ARMC2: variants seen among roughly 807,000 people sequenced by gnomAD.
ARMC2 encodes the protein armadillo repeat containing 2.
In ARMC2, 67 loss-of-function variants were observed where a neutral mutation model predicts 90.3. The observed-to-expected ratio is 0.74, with a 90% CI of 0.61 to 0.91. ARMC2 has a LOEUF of 0.91. Among genes scored for constraint, ARMC2 ranks in the 40% least tolerant of loss-of-function variants. The pLI, the probability that ARMC2 is intolerant of heterozygous loss-of-function variation, is 0.00. For synonymous variants in ARMC2, 393 were observed against 393.0 expected (o/e 1.00, Z 0.00); for missense variants, 920 against 1,030.9 (o/e 0.89, Z 1.47).
chr6:108,902,544 T>C (rs1772254544), intron 7 of ARMC2, among the ~76,000 whole-genome samples: 1 of 152,224 alleles, frequency 6.6e-6, no homozygotes, highest in Non-Finnish European at 1.5e-5. Context: ...TTTCCCTTTA[T>C]TTAAAGTTAG....
Position 108,973,645 on chromosome 6 carries a change from G to C in ARMC2, c.*131G>C. The C allele has an allele frequency of 1.2e-6, 1 of 855,372 alleles. No individual in the cohort carries two copies. The highest frequency in any genetic ancestry group is 1.7e-6 in the Non-Finnish European group (1 of 577,036). The allele number at this position is 855,372 out of a possible 1,614,324, so 53.0% of individuals were successfully genotyped here. On this transcript the variant is annotated 3_prime_UTR_variant, in exon 18 of 18. Transcript: ENST00000392644. Reference sequence around the variant, plus strand: ...TTTCAAGAACTGGTTTTAGTGAGTAGCTGAAGTATTTTTTAAAATTAAGCA... The same window carrying C: ...TTTCAAGAACTGGTTTTAGTGAGTACCTGAAGTATTTTTTAAAATTAAGCA...
At position 108,928,072 on chromosome 6, in the gene ARMC2, C is replaced by A; in HGVS notation, c.1351-16C>A. On this transcript the variant is annotated splice_polypyrimidine_tract_variant and intron_variant, in intron 10 of 17. Coordinates refer to ENST00000392644, the MANE Select transcript of ARMC2 (RefSeq NM_032131.6). ...TTCAGTTCAAAAAAAATGGCACAAG[C>A]ATGCTTTTATCCTAGGTGACTGCTA... 2 of 1,588,290 alleles carry A rather than the reference C, an allele frequency of 1.3e-6. No individual in the cohort carries two copies. The highest frequency in any genetic ancestry group is 1.2e-5 in the South Asian group (1 of 86,396).
chr6:108,910,835 A>G, intron 8 of ARMC2, 64 bp from the exon 9 acceptor site: 1 of 791,504 alleles, frequency 1.3e-6, no homozygotes. Flanking sequence ...GATGTGGTTT[A>G]TTTTTTTTAA....
chr6:108,850,184 A>AT (rs1308137747), intron 1 of ARMC2, among the ~76,000 whole-genome samples: 1 of 152,208 alleles, frequency 6.6e-6, no homozygotes, highest in Non-Finnish European at 1.5e-5. Flanking sequence ...TTGAAAAAAA[A>AT]GTTCTTCACT....
chr6:109,033,966 A>T, the ARMC2 span, among the ~76,000 whole-genome samples: 1 of 152,212 alleles, frequency 6.6e-6, no homozygotes, highest in Non-Finnish European at 1.5e-5. Context: ...GGTTACAAGG[A>T]TAAATTAAAT....
chr6:108,862,554 T>A (rs1279008595), intron 3 of ARMC2, among the ~76,000 whole-genome samples: 2 of 152,052 alleles, frequency 1.3e-5, no homozygotes, highest in Non-Finnish European at 2.9e-5. Flanking sequence ...AATGTCCCCA[T>A]GCTACCTGAC....
At chr6:108,879,191 CCTATCCAT>C (rs1777240081) in intron 5 of ARMC2, among the ~76,000 whole-genome samples, 1 of 150,146 alleles carries the variant, frequency 6.7e-6, no homozygotes, top group East Asian at 2.0e-4. Flanking sequence ...CACCTATCCA[CCTATCCAT>C]CTGTCTACCC....
chr6:109,018,516 T>C, the ARMC2 span, among the ~76,000 whole-genome samples: 4 of 152,228 alleles, frequency 2.6e-5, no homozygotes, highest in Non-Finnish European at 5.9e-5. Flanking sequence ...CTCAGGCACA[T>C]TTGCTTGGTA....
the ARMC2 span, chr6:109,008,740 A>G: frequency 1.0e-6 from 1 of 978,476 alleles, no homozygotes; most frequent in Non-Finnish European, 1.2e-6. Context: ...AAAATGTTAC[A>G]ATTAAGTACC....
intron 10 of ARMC2, among the ~76,000 whole-genome samples, chr6:108,917,428 G>T (rs1430183590): frequency 1.3e-5 from 2 of 151,886 alleles, no homozygotes; most frequent in Non-Finnish European, 2.9e-5. Context: ...CCTTCACTCG[G>T]TTCCTTCCTT....
At chr6:108,901,711 C>A (rs540629783) in intron 7 of ARMC2, among the ~76,000 whole-genome samples, 1 of 152,174 alleles carries the variant, frequency 6.6e-6, no homozygotes, top group African/African-American at 2.4e-5. Context: ...GCCACTGAGC[C>A]GGCTGGCATG....
Position 108,854,365 on chromosome 6 carries a change from C to G in ARMC2, c.98C>G (p.Ala33Gly). The G allele has an allele frequency of 3.1e-6, 5 of 1,612,838 alleles. No individual in the cohort carries two copies. The highest frequency in any genetic ancestry group is 4.2e-6 in the Non-Finnish European group (5 of 1,179,638). Reference sequence around the variant, plus strand: ...ACCAGTGCAGAAATCATAAGTGAAGCAAGAAATGCATTAAGAACAGTTAGA... The same window carrying G: ...ACCAGTGCAGAAATCATAAGTGAAGGAAGAAATGCATTAAGAACAGTTAGA... ...QKTSAEIISE[A>G]RNALRTVRTQ... Residue 33 changes from alanine to glycine, a missense_variant, in exon 2 of 18, where the codon GCA (alanine) becomes GGA (glycine). Ala to Gly is a moderately conservative substitution (Grantham distance 60, BLOSUM62 0). Transcript: ENST00000392644.
At chr6:108,970,494 C>CTTTTTTTTTTT (rs1156823883) in intron 17 of ARMC2, among the ~76,000 whole-genome samples, 15 of 117,344 alleles carry the variant, frequency 1.3e-4, no homozygotes, top group Non-Finnish European at 1.8e-4. Flanking sequence ...CTTCTCTTTT[C>CTTTTTTTTTTT]TTTTTTTTTT....
At chr6:108,870,008 G>A (rs774943318) in intron 4 of ARMC2, among the ~76,000 whole-genome samples, 2 of 152,212 alleles carry the variant, frequency 1.3e-5, no homozygotes, top group African/African-American at 4.8e-5. Context: ...TCGGTCTTCA[G>A]TGTGTGTTCA....
chr6:108,910,262 G>A (rs891706195), intron 8 of ARMC2, among the ~76,000 whole-genome samples: 4 of 152,008 alleles, frequency 2.6e-5, no homozygotes, highest in African/African-American at 9.7e-5. Context: ...CTGCTAGTTC[G>A]AGACCAGCCT....
chr6:108,919,639 C>T (rs1774349701), intron 10 of ARMC2, among the ~76,000 whole-genome samples: 1 of 152,120 alleles, frequency 6.6e-6, no homozygotes, highest in African/African-American at 2.4e-5. Context: ...AAGGTATAAT[C>T]TACATCCAAT....
At chr6:109,007,255 A>C in the ARMC2 span, among the ~76,000 whole-genome samples, 2 of 152,230 alleles carry the variant, frequency 1.3e-5, no homozygotes, top group East Asian at 1.9e-4. Context: ...TGTATGAATC[A>C]ATGTTTGTGT....
At chr6:108,956,534 TAAA>T (rs112863867) in intron 13 of ARMC2, among the ~76,000 whole-genome samples, 1 of 135,040 alleles carries the variant, frequency 7.4e-6, no homozygotes. Flanking sequence ...CTGTCTCTAT[TAAA>T]AAAAAAAAAA....
At chr6:108,963,851 C>T (rs1778165187) in intron 15 of ARMC2, among the ~76,000 whole-genome samples, 1 of 152,182 alleles carries the variant, frequency 6.6e-6, no homozygotes, top group African/African-American at 2.4e-5. Flanking sequence ...TTTAGGAACA[C>T]CCTTGAGAAT....
Sources: gnomAD v4.1 joint callset for allele counts (sites outside exome capture counted in the v4.1 genomes callset) on GRCh38, gnomAD v4.1.1 for gene constraint, MANE v1.5 for transcripts, NCBI Gene and HGNC (gene_info 2026-07-23, HGNC 2026-07-21) for gene names.